SPATA6L: variants seen among roughly 807,000 people sequenced by gnomAD.
SPATA6L encodes the protein spermatogenesis associated 6-like protein.
Under a neutral mutation model 49.2 loss-of-function variants are expected in SPATA6L, and 68 were observed. That is an observed-to-expected ratio of 1.38 (90% confidence interval 1.14 to 1.69). The LOEUF is 1.69. Ranked by LOEUF, SPATA6L falls within the 40% of genes most tolerant of loss-of-function variation. SPATA6L has a pLI of 0.00. For missense variants in SPATA6L, 668 were observed against 464.3 expected, an observed-to-expected ratio of 1.44 and a Z score of -4.03; for synonymous variants, 198 against 165.7, an observed-to-expected ratio of 1.19 and a Z score of -1.50.
intron 2 of SPATA6L, among the ~76,000 whole-genome samples, chr9:4,660,937 A>G (rs1839534909): frequency 6.6e-6 from 1 of 152,190 alleles, no homozygotes; most frequent in South Asian, 2.1e-4. Flanking sequence ...AAGGACAGAA[A>G]ACCAAACACC....
intron 3 of SPATA6L, among the ~76,000 whole-genome samples, chr9:4,655,093 A>T (rs1044200543): frequency 3.9e-5 from 6 of 152,242 alleles, no homozygotes; most frequent in African/African-American, 1.4e-4. Context: ...ACTTATACAC[A>T]AATATTCACA....
chr9:4,643,220 T>C (rs553994736), intron 3 of SPATA6L, among the ~76,000 whole-genome samples: 3 of 152,134 alleles, frequency 2.0e-5, no homozygotes, highest in Admixed American at 6.6e-5. Context: ...GTTGGCCAGG[T>C]TGGTCTCAAA....
At chr9:4,628,340 G>A (rs1254096889) in intron 5 of SPATA6L, 11 of 153,624 alleles carry the variant, frequency 7.2e-5, no homozygotes, top group Admixed American at 7.1e-4. Flanking sequence ...CATACTGTAT[G>A]CCTATATCAA....
intron 11 of SPATA6L, among the ~76,000 whole-genome samples, chr9:4,603,228 G>A (rs1173162807): frequency 6.6e-6 from 1 of 152,124 alleles, no homozygotes; most frequent in East Asian, 1.9e-4. Context: ...TCAGGAGTTT[G>A]AGACCAGGCT....
chr9:4,643,644 G>A (rs1834558018), intron 3 of SPATA6L, among the ~76,000 whole-genome samples: 1 of 152,096 alleles, frequency 6.6e-6, no homozygotes, highest in Non-Finnish European at 1.5e-5. Flanking sequence ...AAAATACTAT[G>A]GAAATACTAT....
chr9:4,590,462 G>A (rs1372862491), intron 13 of SPATA6L, among the ~76,000 whole-genome samples: 1 of 152,200 alleles, frequency 6.6e-6, no homozygotes, highest in Non-Finnish European at 1.5e-5. Flanking sequence ...GAATTAGGGT[G>A]ACACTTATGG....
rs143280821 is a variant in SPATA6L, at chr9:4,625,625, A to T, written c.430-59T>A. 47 of 1,258,472 alleles carry T rather than the reference A, an allele frequency of 3.7e-5. No individual in the cohort carries two copies. The African/African-American group carries it at 6.7e-4, about 18-fold the overall frequency. The allele number at this position is 1,258,472 out of a possible 1,614,324, so 78.0% of individuals were successfully genotyped here. A position where few individuals can be genotyped will look rare whatever the true frequency, so the allele number is the denominator to read the frequency against. ...TAAAGAAAGAAAAGAAGAAAATTCA[A>T]TCAGAATATAACTGTATTTAATTGA... On this transcript the variant is annotated intron_variant, in intron 5 of 11. Transcript: ENST00000682582.
chr9:4,615,755 T>C (rs1041416288), intron 9 of SPATA6L, among the ~76,000 whole-genome samples: 2 of 152,184 alleles, frequency 1.3e-5, no homozygotes, highest in African/African-American at 4.8e-5. Flanking sequence ...AGACATGTCA[T>C]GATGGTGTCC....
At chr9:4,664,196 C>T (rs1840499291) in intron 1 of SPATA6L, 1 of 167,062 alleles carries the variant, frequency 6.0e-6, no homozygotes, top group Admixed American at 6.5e-5. Context: ...CATATTATGC[C>T]AGTGACCAGT....
intron 2 of SPATA6L, among the ~76,000 whole-genome samples, chr9:4,656,807 C>T (rs1838348763): frequency 6.6e-6 from 1 of 152,160 alleles, no homozygotes; most frequent in Non-Finnish European, 1.5e-5. Flanking sequence ...ATTCTGTATA[C>T]AACAGATACT....
chr9:4,594,350 C>T (rs1295187411), downstream of SPATA6L, among the ~76,000 whole-genome samples: 1 of 152,196 alleles, frequency 6.6e-6, no homozygotes, highest in Middle Eastern at 3.2e-3. Context: ...GCTGGGACTA[C>T]AGGCGCCCGC....
chr9:4,615,108 C>T (rs1827662160), intron 9 of SPATA6L, among the ~76,000 whole-genome samples: 1 of 152,096 alleles, frequency 6.6e-6, no homozygotes, highest in Non-Finnish European at 1.5e-5. Context: ...TCTATGAACC[C>T]CATCATAAAC....
intron 5 of SPATA6L, 64 bp downstream of exon 5, chr9:4,629,027 A>G: frequency 8.2e-7 from 1 of 1,222,290 alleles, no homozygotes; most frequent in African/African-American, 1.6e-5. Flanking sequence ...TTTGGGCAAA[A>G]ATTCTTTAAA....
chr9:4,662,740 G>A lies in SPATA6L; in HGVS notation c.40-704C>T, dbSNP rs755269993. 2.3e-5 allele frequency: 37 copies of A among 1,603,204 alleles called. No homozygotes were observed. The highest frequency in any genetic ancestry group is 3.1e-5 in the Non-Finnish European group (37 of 1,179,930). On this transcript the variant is annotated intron_variant, in intron 1 of 11. Transcript: ENST00000682582. This position sits in a 1 kb window ranked among gnomAD's most constrained non-coding sequence, Gnocchi z 4.9. Reference sequence around the variant, plus strand: ...TCCAAGAAGCTGGGGGTGTGCGCGGGAGAGAGCTCGTCGTGGGGCAGCGTG... The same window carrying A: ...TCCAAGAAGCTGGGGGTGTGCGCGGAAGAGAGCTCGTCGTGGGGCAGCGTG...
intron 9 of SPATA6L, among the ~76,000 whole-genome samples, chr9:4,615,529 G>T (rs1348395942): frequency 2.0e-5 from 3 of 152,176 alleles, no homozygotes; most frequent in East Asian, 1.9e-4. Context: ...CTCAGGAAAG[G>T]CTGGCTGAAT....
intron 10 of SPATA6L, among the ~76,000 whole-genome samples, 167 bp downstream of exon 10, chr9:4,605,180 C>T (rs758647529): frequency 2.6e-5 from 4 of 152,150 alleles, no homozygotes; most frequent in Admixed American, 6.6e-5. Context: ...GTCAAATACC[C>T]GCTACCATTC....
chr9:4,641,326 G>C (rs1416759052), intron 3 of SPATA6L, among the ~76,000 whole-genome samples: 3 of 152,046 alleles, frequency 2.0e-5, no homozygotes, highest in South Asian at 2.1e-4. Flanking sequence ...AAATATCCAT[G>C]AATGCTCAAG....
chr9:4,606,682 C>A (rs1365296085), intron 9 of SPATA6L, among the ~76,000 whole-genome samples: 1 of 124,794 alleles, frequency 8.0e-6, no homozygotes, highest in Non-Finnish European at 1.7e-5. Context: ...GATAAAACCA[C>A]AAAGATGGGG....
chr9:4,601,384 G>C (rs542724682), intron 11 of SPATA6L, among the ~76,000 whole-genome samples: 12 of 144,788 alleles, frequency 8.3e-5, no homozygotes, highest in African/African-American at 3.1e-4. Flanking sequence ...TTTTTTGTTT[G>C]GTTTTTTGGA....
Sources: gnomAD v4.1 joint callset for allele counts (sites outside exome capture counted in the v4.1 genomes callset) on GRCh38, gnomAD v4.1.1 for gene constraint, Gnocchi (gnomAD v3.1) non-coding constraint, MANE v1.5 for transcripts, NCBI Gene and HGNC (gene_info 2026-07-23, HGNC 2026-07-21) for gene names.